Variants in ZNF536 observed in about 807,000 individuals in gnomAD.
The protein encoded by ZNF536 is zinc finger protein 536.
ZNF536 carries 13 observed loss-of-function variants against 84.5 expected under a neutral mutation model. The observed-to-expected ratio is 0.15, with a 90% CI of 0.10 to 0.24. The LOEUF (loss-of-function observed/expected upper bound fraction) is 0.24. Ranked by LOEUF, ZNF536 falls within the 10% of genes least tolerant of loss-of-function variation. ZNF536 has a pLI of 1.00. For synonymous variants in ZNF536, 811 were observed against 742.5 expected, an observed-to-expected ratio of 1.09 and a Z score of -1.50; for missense variants, 1,536 against 1,747.5, an observed-to-expected ratio of 0.88 and a Z score of 2.16.
intron 2 of ZNF536, among the ~76,000 whole-genome samples, chr19:30,478,676 T>C (rs1271372919): frequency 6.6e-6 from 1 of 152,164 alleles, no homozygotes; most frequent in Non-Finnish European, 1.5e-5. Context: ...CAGTAAATGC[T>C]CTCTCTCTTT....
chr19:30,640,433 C>G (rs1447817451), intron 1 of ZNF536, among the ~76,000 whole-genome samples: 2 of 152,178 alleles, frequency 1.3e-5, no homozygotes, highest in Admixed American at 6.5e-5. Context: ...GTTTGGCAAT[C>G]AGCACTGTTT....
intron 1 of ZNF536, among the ~76,000 whole-genome samples, chr19:30,704,563 C>G (rs754958747): frequency 4.2e-5 from 6 of 144,324 alleles, no homozygotes; most frequent in Non-Finnish European, 7.5e-5. Flanking sequence ...AGGAGAATGG[C>G]TTAAACCCGG....
intron 4 of ZNF536, among the ~76,000 whole-genome samples, chr19:30,553,002 A>G (rs2045838627): frequency 6.6e-6 from 1 of 152,266 alleles, no homozygotes; most frequent in South Asian, 2.1e-4. Flanking sequence ...TCCCACTCCA[A>G]TCAAATCCTT....
At chr19:30,330,360 G>C (rs1273988333) in intron 2 of ZNF536, among the ~76,000 whole-genome samples, 1 of 152,172 alleles carries the variant, frequency 6.6e-6, no homozygotes, top group Non-Finnish European at 1.5e-5. Flanking sequence ...TGCACACTGG[G>C]TTATGTGTCA....
intron 1 of ZNF536, among the ~76,000 whole-genome samples, chr19:30,380,426 C>T (rs933743496): frequency 3.3e-5 from 5 of 152,146 alleles, no homozygotes; most frequent in South Asian, 2.1e-4. Context: ...GCCAGGCCCA[C>T]GAGCACCCCC....
chr19:30,606,715 G>A (rs12461477), intron 1 of ZNF536, among the ~76,000 whole-genome samples: 2,572 of 152,154 alleles, frequency 0.017, 93 homozygotes, highest in Admixed American at 0.089. Context: ...CAAACGGGAG[G>A]GTGGCTAGAG....
At chr19:30,550,645 G>C (rs960689261) in intron 4 of ZNF536, among the ~76,000 whole-genome samples, 15 of 151,924 alleles carry the variant, frequency 9.9e-5, no homozygotes, top group Non-Finnish European at 1.6e-4. Flanking sequence ...GGGAAGGAAG[G>C]GGGGGAAATA....
intron 2 of ZNF536, among the ~76,000 whole-genome samples, chr19:30,458,522 G>A (rs1025808676): frequency 4.3e-5 from 6 of 140,588 alleles, no homozygotes; most frequent in East Asian, 2.2e-4. Flanking sequence ...CGTGATCTCC[G>A]GTTCACTGCA....
intron 2 of ZNF536, among the ~76,000 whole-genome samples, chr19:30,296,919 G>A (rs994023394): frequency 5.9e-5 from 9 of 152,116 alleles, no homozygotes; most frequent in Admixed American, 4.6e-4. Flanking sequence ...CTTGGGCCTC[G>A]CCTCCGTATT....
At chr19:30,433,529 C>G (rs771099889) in intron 1 of ZNF536, among the ~76,000 whole-genome samples, 11 of 152,168 alleles carry the variant, frequency 7.2e-5, no homozygotes, top group Non-Finnish European at 1.5e-4. Flanking sequence ...CAGAGTTCCG[C>G]TCTTGTTGCC....
chr19:30,631,297 C>T (rs2048879968), intron 1 of ZNF536, among the ~76,000 whole-genome samples: 1 of 152,184 alleles, frequency 6.6e-6, no homozygotes, highest in Non-Finnish European at 1.5e-5. Context: ...CCAGGCTGCC[C>T]CTCTTTGTGT....
intron 2 of ZNF536, among the ~76,000 whole-genome samples, chr19:30,519,518 G>T (rs1249156101): frequency 6.6e-6 from 1 of 152,186 alleles, no homozygotes; most frequent in African/African-American, 2.4e-5. Flanking sequence ...GACCACAAGG[G>T]AATGGAGCCC....
chr19:30,580,192 T>C (rs1470504572), intron 1 of ZNF536, among the ~76,000 whole-genome samples: 3 of 152,166 alleles, frequency 2.0e-5, no homozygotes, highest in African/African-American at 7.2e-5. Context: ...ATGGCCAACA[T>C]TGGGTCCAGG....
At chr19:30,539,696 C>G (rs1203642212) in intron 3 of ZNF536, among the ~76,000 whole-genome samples, 1 of 152,176 alleles carries the variant, frequency 6.6e-6, no homozygotes, top group Non-Finnish European at 1.5e-5. Context: ...CCTTGGGAAG[C>G]CAGGTGCCTG....
chr19:30,363,318 C>T (rs532959038), intron 3 of ZNF536, among the ~76,000 whole-genome samples: 1 of 152,310 alleles, frequency 6.6e-6, no homozygotes, highest in Admixed American at 6.5e-5. Flanking sequence ...CTCGGTGGCA[C>T]TGCTGTTGTG....
chr19:30,324,864 C>T (rs1172838204), intron 2 of ZNF536, among the ~76,000 whole-genome samples: 1 of 152,222 alleles, frequency 6.6e-6, no homozygotes, highest in Non-Finnish European at 1.5e-5. Flanking sequence ...TTCTTCCAGT[C>T]CTTCCTGAAG....
chr19:30,524,878 A>G (rs979348643), intron 2 of ZNF536, among the ~76,000 whole-genome samples: 2 of 152,048 alleles, frequency 1.3e-5, no homozygotes, highest in African/African-American at 2.4e-5. Context: ...TAAAGAAAGG[A>G]GTACTTAATT....
intron 2 of ZNF536, among the ~76,000 whole-genome samples, chr19:30,488,628 C>T (rs1490895778): frequency 2.0e-5 from 3 of 151,456 alleles, no homozygotes; most frequent in Admixed American, 2.0e-4. Context: ...CACATAGACA[C>T]TTTCATGTGG....
chr19:30,682,043 G>C (rs926196677), intron 1 of ZNF536, among the ~76,000 whole-genome samples: 37 of 152,150 alleles, frequency 2.4e-4, no homozygotes, highest in African/African-American at 8.9e-4. Flanking sequence ...AGGGTAGGGG[G>C]ACAAGAGAAA....
Sources: allele counts gnomAD v4.1 joint callset (sites outside exome capture counted in the v4.1 genomes callset), GRCh38; gene constraint gnomAD v4.1.1; transcripts MANE v1.5; gene names NCBI Gene and HGNC (gene_info 2026-07-23, HGNC 2026-07-21).